Variants in NRF1 observed in about 807,000 individuals in gnomAD.
The protein encoded by NRF1 is nuclear respiratory factor 1, also known as alpha palindromic-binding protein.
NRF1 carries 5 observed loss-of-function variants against 58.5 expected under a neutral mutation model. The ratio of observed to expected loss-of-function variants is 0.09; its 90% confidence interval spans 0.04 to 0.18. The LOEUF is 0.18. Ranked by LOEUF, NRF1 falls within the 10% of genes least tolerant of loss-of-function variation. NRF1 has a pLI of 1.00. For missense variants in NRF1, 288 were observed against 657.7 expected (o/e 0.44, Z 6.15); for synonymous variants, 224 against 246.7 (o/e 0.91, Z 0.86).
At chr7:129,673,336 ATTTCAGAAT>A (rs1280293499) in intron 3 of NRF1, among the ~76,000 whole-genome samples, 1 of 152,210 alleles carries the variant, frequency 6.6e-6, no homozygotes, top group Admixed American at 6.5e-5. Context: ...TGCCCACCAC[ATTTCAGAAT>A]TCTGAAATGT....
chr7:129,671,355 G>A (rs1802043751), intron 2 of NRF1, 74 bp from the exon 3 acceptor site: 2 of 850,758 alleles, frequency 2.4e-6, no homozygotes, highest in Non-Finnish European at 3.8e-6. Context: ...TACCTTTTTT[G>A]TACCTTTAAT....
chr7:129,618,154 T>A (rs1445834079), intron 1 of NRF1, among the ~76,000 whole-genome samples: 2 of 152,192 alleles, frequency 1.3e-5, no homozygotes, highest in Non-Finnish European at 2.9e-5. Flanking sequence ...AGTTGTCAGA[T>A]TTGAGTGACA....
In NRF1 at chr7:129,741,133, G is replaced by A. The variant is rs1161403946; in HGVS notation, c.1348+13768G>A. ...TTACTCTTTGGTCTGCCTGTGTTGG[G>A]TATTCTCAGCTTGGGGAAACTCAAT... On this transcript the variant is annotated intron_variant, in intron 10 of 10. Coordinates refer to ENST00000393232, the MANE Select transcript of NRF1 (RefSeq NM_005011.5). This position sits in a 1 kb window ranked among gnomAD's most constrained non-coding sequence, Gnocchi z 4.0. Among the ~76,000 whole-genome samples the A allele has an allele frequency of 6.6e-6, 1 of 152,038 alleles. No homozygotes were observed. Among genetic ancestry groups the A allele is most frequent in the Non-Finnish European group, 1.5e-5 (1 of 68,030 alleles).
At chr7:129,719,896 A>T (rs3778775) in intron 9 of NRF1, among the ~76,000 whole-genome samples, 52,522 of 151,982 alleles carry the variant, frequency 0.35, 9,552 homozygotes, top group East Asian at 0.61. Context: ...TGAGACTTGC[A>T]GCCAACACCT....
intron 1 of NRF1, among the ~76,000 whole-genome samples, chr7:129,647,290 C>G (rs971586100): frequency 2.6e-5 from 4 of 151,872 alleles, no homozygotes; most frequent in Admixed American, 2.6e-4. Flanking sequence ...TCTGGCCTCT[C>G]GGGATTACGG....
At chr7:129,623,446 C>G (rs1800848597) in intron 1 of NRF1, among the ~76,000 whole-genome samples, 1 of 151,104 alleles carries the variant, frequency 6.6e-6, no homozygotes, top group Non-Finnish European at 1.5e-5. Flanking sequence ...TATAAATATT[C>G]AAAATGCTGT....
intron 1 of NRF1, among the ~76,000 whole-genome samples, chr7:129,650,142 T>A: frequency 6.6e-6 from 1 of 151,966 alleles, no homozygotes; most frequent in East Asian, 1.9e-4. Context: ...CATGTTAAGT[T>A]ATTGCTTGGG....
At chr7:129,620,102 G>A (rs1372197711) in intron 1 of NRF1, among the ~76,000 whole-genome samples, 1 of 152,096 alleles carries the variant, frequency 6.6e-6, no homozygotes, top group Non-Finnish European at 1.5e-5. Context: ...TGTGTTCGTT[G>A]GCTGAAATCA....
intron 1 of NRF1, among the ~76,000 whole-genome samples, chr7:129,616,288 A>G (rs1363333775): frequency 2.0e-5 from 3 of 152,236 alleles, no homozygotes; most frequent in African/African-American, 7.2e-5. Context: ...GTTCTAGTAT[A>G]TTAGAAAACA....
chr7:129,677,049 T>C (rs562718681), intron 3 of NRF1, among the ~76,000 whole-genome samples: 16 of 148,554 alleles, frequency 1.1e-4, no homozygotes, highest in Non-Finnish European at 1.5e-4. Context: ...CTTGCTCTGT[T>C]GCTCAGGCTG....
intron 2 of NRF1, among the ~76,000 whole-genome samples, chr7:129,664,838 A>T (rs1396433198): frequency 1.3e-5 from 2 of 152,248 alleles, no homozygotes; most frequent in Non-Finnish European, 2.9e-5. Context: ...TATGTAACCT[A>T]TGTAGATACT....
At chr7:129,630,611 G>C (rs1341580505) in intron 1 of NRF1, among the ~76,000 whole-genome samples, 1 of 152,150 alleles carries the variant, frequency 6.6e-6, no homozygotes, top group African/African-American at 2.4e-5. Flanking sequence ...TAAGTAATAT[G>C]TTGGGCTTCT....
intron 10 of NRF1, among the ~76,000 whole-genome samples, chr7:129,733,342 C>T (rs1029202712): frequency 2.0e-5 from 3 of 151,806 alleles, no homozygotes; most frequent in African/African-American, 7.3e-5. Flanking sequence ...TGGCGGGTGC[C>T]TGTAGTCCCA....
chr7:129,617,494 A>G (rs1584574894), intron 1 of NRF1, among the ~76,000 whole-genome samples: 1 of 152,230 alleles, frequency 6.6e-6, no homozygotes, highest in Non-Finnish European at 1.5e-5. Context: ...CCATTAAGAA[A>G]TAACCTCCTT....
intron 10 of NRF1, among the ~76,000 whole-genome samples, chr7:129,731,159 G>A (rs117834708): frequency 0.02 from 2,996 of 151,716 alleles, 51 homozygotes; most frequent in Middle Eastern, 0.058. Flanking sequence ...TAATCCCAGC[G>A]AATCGGGAGT....
At chr7:129,753,654 G>A (rs1359285913) in intron 10 of NRF1, among the ~76,000 whole-genome samples, 3 of 151,900 alleles carry the variant, frequency 2.0e-5, no homozygotes, top group African/African-American at 7.3e-5. Context: ...CCTTTATGGA[G>A]GTTATGTGCT....
Position 129,671,417 on chromosome 7 carries a change from T to TTA in NRF1, c.224-10_224-9dup. 1 of 1,583,480 alleles carries TTA rather than the reference T, an allele frequency of 6.3e-7. No homozygotes were observed. The highest frequency in any genetic ancestry group is 8.7e-7 in the Non-Finnish European group (1 of 1,152,210). ...CAGCTGCCTAATCTCAGCACATACG[T>TTA]TATTATTTCAGGTCCTGTGGGAATG... On this transcript the variant is annotated splice_polypyrimidine_tract_variant and intron_variant, in intron 2 of 10. Transcript: ENST00000393232.
chr7:129,675,767 A>G (rs1173688033), intron 3 of NRF1, among the ~76,000 whole-genome samples: 1 of 152,204 alleles, frequency 6.6e-6, no homozygotes, highest in Non-Finnish European at 1.5e-5. Context: ...TGTTCTATTT[A>G]TAGAGGACAG....
At position 129,654,085 on chromosome 7, in the gene NRF1, C is replaced by T. The variant is rs541880147; in HGVS notation, c.-6-3261C>T. ...AAGTGGCTGTACTATGTTGCATTCC[C>T]ACCAGCAGTGAAATAGAGTTCCTGT... On this transcript the variant is annotated intron_variant, in intron 1 of 10. Transcript: ENST00000393232. Among the ~76,000 whole-genome samples, 6 of 152,302 alleles carry T rather than the reference C, an allele frequency of 3.9e-5. No homozygotes were observed. In the South Asian group the frequency reaches 6.2e-4, roughly 16 times the overall value.
Sources: gnomAD v4.1 joint callset for allele counts (sites outside exome capture counted in the v4.1 genomes callset) on GRCh38, gnomAD v4.1.1 for gene constraint, Gnocchi (gnomAD v3.1) non-coding constraint, MANE v1.5 for transcripts, NCBI Gene and HGNC (gene_info 2026-07-23, HGNC 2026-07-21) for gene names.